Variants in TLN2 observed in about 807,000 individuals in gnomAD.
The protein encoded by TLN2 is talin-2.
TLN2 carries 118 observed loss-of-function variants against 294.7 expected under a neutral mutation model. The observed-to-expected ratio is 0.40, with a 90% CI of 0.34 to 0.47. TLN2 has a LOEUF of 0.47. TLN2 is among the 20% of genes least tolerant of loss of function. The pLI is 0.84. For missense variants in TLN2, 3,083 were observed against 3,282.2 expected (o/e 0.94, Z 1.48); for synonymous variants, 1,431 against 1,304.5 (o/e 1.10, Z -2.09).
intron 1 of TLN2, among the ~76,000 whole-genome samples, chr15:62,544,257 G>A (rs2140530420): frequency 6.6e-6 from 1 of 152,258 alleles, no homozygotes; most frequent in African/African-American, 2.4e-5. Context: ...AGTCCTGGTT[G>A]GTCCAAGCCC....
At chr15:62,496,736 A>G (rs2039036795) in intron 1 of TLN2, among the ~76,000 whole-genome samples, 1 of 152,248 alleles carries the variant, frequency 6.6e-6, no homozygotes, top group Admixed American at 6.5e-5. Context: ...CAACATCTGC[A>G]TAGATCCAAT....
At chr15:62,441,186 C>T (rs2035526883) in intron 1 of TLN2, among the ~76,000 whole-genome samples, 1 of 152,120 alleles carries the variant, frequency 6.6e-6, no homozygotes, top group Non-Finnish European at 1.5e-5. Context: ...TAGGGCCCCT[C>T]ACATGGAGGG....
chr15:62,660,866 T>A (rs1252351788), intron 9 of TLN2, among the ~76,000 whole-genome samples: 1 of 152,214 alleles, frequency 6.6e-6, no homozygotes, highest in African/African-American at 2.4e-5. Flanking sequence ...GAAATGGTTA[T>A]TATGCAGAAC....
chr15:62,674,937 C>A (rs983130924), intron 10 of TLN2, among the ~76,000 whole-genome samples: 1 of 152,202 alleles, frequency 6.6e-6, no homozygotes, highest in Non-Finnish European at 1.5e-5. Context: ...GGACCCTGTT[C>A]CCACCACACT....
intron 1 of TLN2, among the ~76,000 whole-genome samples, chr15:62,521,186 A>G (rs1202282619): frequency 6.6e-6 from 1 of 151,952 alleles, no homozygotes; most frequent in East Asian, 1.9e-4. Context: ...TTTGTGGTGA[A>G]TTGTAGATCA....
At chr15:62,427,988 G>T (rs1393982236) in intron 1 of TLN2, among the ~76,000 whole-genome samples, 2 of 152,242 alleles carry the variant, frequency 1.3e-5, no homozygotes, top group Non-Finnish European at 2.9e-5. Context: ...ACTCTTCTTG[G>T]AAGGTAGGAT....
intron 1 of TLN2, among the ~76,000 whole-genome samples, chr15:62,481,339 T>C (rs1392013366): frequency 6.6e-6 from 1 of 152,246 alleles, no homozygotes; most frequent in African/African-American, 2.4e-5. Context: ...ATCAGAACTC[T>C]ATATTACATA....
chr15:62,578,248 C>T (rs189763067), intron 1 of TLN2, among the ~76,000 whole-genome samples: 153 of 152,208 alleles, frequency 1.0e-3, no homozygotes, highest in African/African-American at 3.5e-3. Context: ...CCAACAAGAA[C>T]CAGAACCACC....
chr15:62,822,873 G>C (rs992180275), intron 54 of TLN2, among the ~76,000 whole-genome samples: 3 of 152,160 alleles, frequency 2.0e-5, no homozygotes, highest in Non-Finnish European at 4.4e-5. Context: ...GAATGTACAA[G>C]AATGATGATG....
At position 62,702,686 on chromosome 15, in the gene TLN2, C is replaced by G. The variant is rs1043496754; in HGVS notation, c.1906-80C>G. 15 of 1,411,156 alleles carry G rather than the reference C, an allele frequency of 1.1e-5. No individual in the cohort carries two copies. The East Asian group carries it at 3.2e-4, about 30-fold the overall frequency. 87.4% of individuals were successfully genotyped at this position (1,411,156 alleles called of 1,614,324 possible). On this transcript the variant is annotated intron_variant, in intron 18 of 58. Coordinates refer to ENST00000636159, the MANE Select transcript of TLN2 (RefSeq NM_015059.3). ...CAAAGGGAGCAAATTCTGTGAGATT[C>G]TACTTCCTGTACTTCCATGTCTGAT... is the stretch of plus-strand genomic sequence containing the variant.
intron 1 of TLN2, among the ~76,000 whole-genome samples, chr15:62,398,385 C>A (rs966713064): frequency 1.3e-5 from 2 of 152,122 alleles, no homozygotes; most frequent in African/African-American, 4.8e-5. Flanking sequence ...AAACCTGTTT[C>A]CTTTATAAAT....
chr15:62,818,331 G>A (rs918542316), intron 52 of TLN2, among the ~76,000 whole-genome samples: 4 of 152,150 alleles, frequency 2.6e-5, no homozygotes, highest in Middle Eastern at 3.2e-3. Context: ...TAAATCTGAA[G>A]ATCACCATTG....
chr15:62,660,152 A>G (rs572333755), intron 9 of TLN2, among the ~76,000 whole-genome samples: 1 of 152,352 alleles, frequency 6.6e-6, no homozygotes, highest in Admixed American at 6.5e-5. Flanking sequence ...AGGCAGGTAC[A>G]TAGGAATGTG....
intron 22 of TLN2, 65 bp from the exon 23 acceptor site, chr15:62,716,266 T>C (rs1170540660): frequency 2.1e-6 from 3 of 1,425,306 alleles, no homozygotes; most frequent in Admixed American, 2.8e-5. Flanking sequence ...AAAATAATAC[T>C]GAAGGCATGA....
chr15:62,545,990 G>A (rs563070238), intron 1 of TLN2, among the ~76,000 whole-genome samples: 64 of 152,220 alleles, frequency 4.2e-4, no homozygotes, highest in South Asian at 2.3e-3. Flanking sequence ...GTTCTATGAA[G>A]CAGTAGAGCC....
At position 62,708,925 on chromosome 15, in the gene TLN2, T is replaced by G; in HGVS notation, c.2467+129T>G. The G allele has an allele frequency of 4.5e-6, 5 of 1,106,830 alleles. No individual in the cohort carries two copies. The South Asian group carries it at 5.0e-5, about 11-fold the overall frequency. 68.6% of individuals were successfully genotyped at this position (1,106,830 alleles called of 1,614,324 possible). On this transcript the variant is annotated intron_variant, in intron 21 of 58. Coordinates refer to ENST00000636159, the MANE Select transcript of TLN2 (RefSeq NM_015059.3). ...GCAAGTTCTCTTCAGTCTCAAAGAC[T>G]TCCCCACTGAAGCTCAGAAAAAGAT...
rs1021431419 is a variant in TLN2, at chr15:62,796,095, T to C, written c.5884-32T>C. 3 of 1,607,998 alleles carry C rather than the reference T, an allele frequency of 1.9e-6. No homozygotes were observed. The African/African-American group carries it at 4.0e-5, about 22-fold the overall frequency. On this transcript the variant is annotated intron_variant, in intron 46 of 58. Transcript: ENST00000636159. ...TTTAGGTCCTGTTCTCTCCATTTCT[T>C]AGCTCCCCTCACATTCCCTTTCTGC...
At chr15:62,481,798 C>CT (rs60002079) in intron 1 of TLN2, among the ~76,000 whole-genome samples, 1,976 of 115,672 alleles carry the variant, frequency 0.017, 66 homozygotes, top group African/African-American at 0.06. Flanking sequence ...TTCTTTCTTT[C>CT]TTTTTTTTTT....
Position 62,578,393 on chromosome 15 carries a change from C to T in TLN2, c.-237-11294C>T, listed in dbSNP as rs547701287. Among the ~76,000 whole-genome samples the T allele has an allele frequency of 1.4e-4, 21 of 152,082 alleles. 1 individual carries two copies. Among genetic ancestry groups the T allele is most frequent in the African/African-American group, 4.8e-4 (20 of 41,478 alleles). On this transcript the variant is annotated intron_variant, in intron 1 of 58. Coordinates refer to ENST00000636159, the MANE Select transcript of TLN2 (RefSeq NM_015059.3). ...ACCAGCCTGGCCAACATGGTGAAACCCCGTCTCTACTAAAAATACAAAAAT... is the reference window on the plus strand; with the variant it reads ...ACCAGCCTGGCCAACATGGTGAAACTCCGTCTCTACTAAAAATACAAAAAT...
Sources: allele counts gnomAD v4.1 joint callset (sites outside exome capture counted in the v4.1 genomes callset), GRCh38; gene constraint gnomAD v4.1.1; transcripts MANE v1.5; gene names NCBI Gene and HGNC (gene_info 2026-07-23, HGNC 2026-07-21).